Variants in NRP2 observed in about 807,000 individuals in gnomAD.
The protein encoded by NRP2 is neuropilin 2, also known as neuropilin-2.
NRP2 carries 52 observed loss-of-function variants against 110.4 expected under a neutral mutation model. The ratio of observed to expected loss-of-function variants is 0.47; its 90% CI spans 0.38 to 0.59. The LOEUF (loss-of-function observed/expected upper bound fraction) is 0.59, where lower values mean the gene tolerates loss of function less well. Ranked by LOEUF, NRP2 falls within the 20% of genes least tolerant of loss-of-function variation. NRP2 has a pLI of 0.00. For missense variants in NRP2, 1,049 were observed against 1,203.0 expected (o/e 0.87, Z 1.89); for synonymous variants, 508 against 468.9 (o/e 1.08, Z -1.08).
Position 205,763,243 on chromosome 2 carries a change from CA to C in NRP2, c.2045-430del, listed in dbSNP as rs1410309675. On this transcript the variant is annotated intron_variant, in intron 12 of 16. Coordinates refer to ENST00000357785, the MANE Select transcript of NRP2 (RefSeq NM_003872.3). This position sits in a 1 kb window ranked among gnomAD's most constrained non-coding sequence, Gnocchi z 4.0. Reference sequence around the variant, plus strand: ...GTCACCCTCCAATCTAGCAGCCCCCCACCCCCTATAATCTGTCCCCTTGTAA... The same window carrying C: ...GTCACCCTCCAATCTAGCAGCCCCCCCCCCCTATAATCTGTCCCCTTGTAA... Among the ~76,000 whole-genome samples the C allele has an allele frequency of 5.3e-4, 80 of 152,182 alleles. No individual in the cohort carries two copies. Among genetic ancestry groups the C allele is most frequent in the African/African-American group, 1.9e-3 (77 of 41,466 alleles).
At chr2:205,738,423 C>T (rs983558986) in intron 7 of NRP2, among the ~76,000 whole-genome samples, 1 of 152,330 alleles carries the variant, frequency 6.6e-6, no homozygotes, top group African/African-American at 2.4e-5. Context: ...AAACAGAAAG[C>T]CTCTGCCTCA....
At chr2:205,693,110 A>G (rs2056347903) in intron 1 of NRP2, among the ~76,000 whole-genome samples, 1 of 152,238 alleles carries the variant, frequency 6.6e-6, no homozygotes, top group African/African-American at 2.4e-5. Flanking sequence ...CTTGCTACCA[A>G]TAATTAAATG....
chr2:205,763,963 T>G lies in NRP2; in HGVS notation c.2307+27T>G. 1 of 1,613,432 alleles carries G rather than the reference T, an allele frequency of 6.2e-7. No homozygotes were observed. The highest frequency in any genetic ancestry group is 8.5e-7 in the Non-Finnish European group (1 of 1,179,664). On this transcript the variant is annotated intron_variant, in intron 13 of 16. Coordinates refer to ENST00000357785, the MANE Select transcript of NRP2 (RefSeq NM_003872.3). The surrounding 1 kb of genome is among the most constrained non-coding windows in gnomAD (Gnocchi z 4.0). ...TGGGGTGAGCAAAAAGGGAATCTTGTGATCCGTATTTCAATATTTCAAGGG... is the reference window on the plus strand; with the variant it reads ...TGGGGTGAGCAAAAAGGGAATCTTGGGATCCGTATTTCAATATTTCAAGGG...
Position 205,689,537 on chromosome 2 carries a change from A to G in NRP2, c.73+6174A>G, listed in dbSNP as rs566410916. Among the ~76,000 whole-genome samples, 8 of 152,338 alleles carry G rather than the reference A, an allele frequency of 5.3e-5. No homozygotes were observed. The South Asian group carries it at 1.7e-3, about 32-fold the overall frequency. On this transcript the variant is annotated intron_variant, in intron 1 of 16. Transcript: ENST00000357785. ...TAAGTTGATTTTTATGAGATTTAAAAAATAATTCTTATTCTCAGTTCTTCC... is the reference window on the plus strand; with the variant it reads ...TAAGTTGATTTTTATGAGATTTAAAGAATAATTCTTATTCTCAGTTCTTCC...
intron 2 of NRP2, among the ~76,000 whole-genome samples, chr2:205,715,903 GA>G (rs2056884822): frequency 6.6e-6 from 1 of 152,082 alleles, no homozygotes; most frequent in Admixed American, 6.5e-5. Flanking sequence ...ATTGAAGGAA[GA>G]AAAAAATGTG....
At chr2:205,789,865 A>G (rs546989690) in intron 15 of NRP2, among the ~76,000 whole-genome samples, 1 of 152,360 alleles carries the variant, frequency 6.6e-6, no homozygotes, top group Admixed American at 6.5e-5. Context: ...CTTTTGAGAG[A>G]GAGAAAGCTC....
intron 16 of NRP2, among the ~76,000 whole-genome samples, chr2:205,793,513 AACAG>A (rs1263680657): frequency 6.6e-6 from 1 of 152,202 alleles, no homozygotes; most frequent in Non-Finnish European, 1.5e-5. Context: ...GGTGGCTTAC[AACAG>A]ACATATATTT....
At chr2:205,697,780 C>T in intron 2 of NRP2, 59 bp downstream of exon 2, 2 of 1,505,444 alleles carry the variant, frequency 1.3e-6, no homozygotes, top group Non-Finnish European at 1.8e-6. Context: ...GCCCTGCCCC[C>T]ACCCCTGCTC....
chr2:205,717,027 T>C (rs1006090249), intron 3 of NRP2, among the ~76,000 whole-genome samples: 1 of 152,208 alleles, frequency 6.6e-6, no homozygotes, highest in African/African-American at 2.4e-5. Flanking sequence ...TTGATTTCCA[T>C]CAGGTCCCCC....
At chr2:205,761,039 C>T (rs565312267) in intron 12 of NRP2, 3 of 152,250 alleles carry the variant, frequency 2.0e-5, no homozygotes, top group East Asian at 1.9e-4. Context: ...ACTGGTGTCT[C>T]GGTACACTGG....
At chr2:205,756,715 G>A (rs2057740388) in intron 12 of NRP2, 1 of 152,160 alleles carries the variant, frequency 6.6e-6, no homozygotes, top group Non-Finnish European at 1.5e-5. Flanking sequence ...TGATTCTTTA[G>A]TTCCCTGGTT....
rs2058346686 is a variant in NRP2 at position 205,795,738 on chromosome 2, C to T, written c.*680C>T. ...ATTGCCATTTTAGGGTCAGCATGAA[C>T]AGCTCTTTCTTGTATGCGATTTAAA... On this transcript the variant is annotated 3_prime_UTR_variant, in exon 17 of 17. Transcript: ENST00000357785. 6.6e-6 allele frequency: 1 copy of T among 152,612 alleles called. No homozygotes were observed. Among genetic ancestry groups the T allele is most frequent in the Non-Finnish European group, 1.5e-5 (1 of 68,046 alleles). The allele number at this position is 152,612 out of a possible 1,614,324, so 9.5% of individuals were successfully genotyped here. A position where few individuals can be genotyped will look rare whatever the true frequency, so the allele number is the denominator to read the frequency against.
intron 7 of NRP2, among the ~76,000 whole-genome samples, chr2:205,735,471 T>TTA (rs1334785424): frequency 6.8e-6 from 1 of 148,042 alleles, no homozygotes; most frequent in Non-Finnish European, 1.5e-5. Context: ...ATATATATAA[T>TTA]TATATATATA....
chr2:205,683,472 A>G (rs1376893215), intron 1 of NRP2, 109 bp downstream of exon 1: 8 of 785,194 alleles, frequency 1.0e-5, no homozygotes, highest in Non-Finnish European at 1.8e-5. Flanking sequence ...CTCCCTCAGT[A>G]CTCAATAATT....
chr2:205,762,456 A>G (rs1645140441), intron 12 of NRP2: 1 of 152,206 alleles, frequency 6.6e-6, no homozygotes, highest in Non-Finnish European at 1.5e-5. Context: ...CATTGATTCT[A>G]GGCTCTAGAA....
chr2:205,771,399 C>T (rs2241153), intron 15 of NRP2, among the ~76,000 whole-genome samples: 2 of 152,040 alleles, frequency 1.3e-5, no homozygotes, highest in African/African-American at 2.4e-5. Context: ...ATTAAATAAA[C>T]CTTTATGTGA....
chr2:205,722,427 C>A, intron 3 of NRP2, 51 bp from the exon 4 acceptor site: 2 of 1,444,924 alleles, frequency 1.4e-6, no homozygotes, highest in South Asian at 1.1e-5. Context: ...TGACAGAGGC[C>A]ACAAAGAAAG....
rs187824927 is a variant in NRP2 at position 205,763,504 on chromosome 2, G to A, written c.2045-170G>A. ...TAAGAAAACACAGCATTTGAATCAA[G>A]GCTCTGAAGGAGCCTTAAGAAAGGG... is the stretch of plus-strand genomic sequence containing the variant. On this transcript the variant is annotated intron_variant, in intron 12 of 16. Coordinates refer to ENST00000357785, the MANE Select transcript of NRP2 (RefSeq NM_003872.3). This position sits in a 1 kb window ranked among gnomAD's most constrained non-coding sequence, Gnocchi z 4.0. Among the ~76,000 whole-genome samples, 2 of 152,216 alleles carry A rather than the reference G, an allele frequency of 1.3e-5. No individual in the cohort carries two copies. Among genetic ancestry groups the A allele is most frequent in the Admixed American group, 1.3e-4 (2 of 15,294 alleles).
At chr2:205,719,916 A>T (rs2056976890) in intron 3 of NRP2, among the ~76,000 whole-genome samples, 1 of 152,336 alleles carries the variant, frequency 6.6e-6, no homozygotes, top group Middle Eastern at 3.4e-3. Context: ...AGACAATCTT[A>T]GCCTTGAGTG....
Sources: gnomAD v4.1 joint callset for allele counts (sites outside exome capture counted in the v4.1 genomes callset) on GRCh38, gnomAD v4.1.1 for gene constraint, Gnocchi (gnomAD v3.1) non-coding constraint, MANE v1.5 for transcripts, NCBI Gene and HGNC (gene_info 2026-07-23, HGNC 2026-07-21) for gene names.